Variants in RIT2 observed in about 807,000 individuals in gnomAD.
RIT2 encodes the protein Ras like without CAAX 2.
Under a neutral mutation model 23.7 loss-of-function variants are expected in RIT2, and 24 were observed. The ratio of observed to expected loss-of-function variants is 1.01; its 90% CI spans 0.73 to 1.43. The LOEUF is 1.43. Among genes scored for constraint, RIT2 ranks in the 40% most tolerant of loss-of-function variants. The pLI, the probability that RIT2 is intolerant of heterozygous loss-of-function variation, is 0.00. For synonymous variants in RIT2, 107 were observed against 91.1 expected (o/e 1.17, Z -0.99); for missense variants, 236 against 266.9 (o/e 0.88, Z 0.81).
intron 4 of RIT2, among the ~76,000 whole-genome samples, chr18:42,796,050 A>G (rs1210626452): frequency 6.6e-6 from 1 of 152,146 alleles, no homozygotes. Context: ...AGGCTGCCCT[A>G]GCCAGCAGTG....
At chr18:42,858,543 T>C (rs1035015660) in intron 4 of RIT2, among the ~76,000 whole-genome samples, 29 of 152,202 alleles carry the variant, frequency 1.9e-4, no homozygotes, top group Non-Finnish European at 4.3e-4. Context: ...AAAAGATGTA[T>C]TGGAATGTAA....
At chr18:43,005,871 G>A (rs141650064) in intron 2 of RIT2, among the ~76,000 whole-genome samples, 101 of 151,854 alleles carry the variant, frequency 6.7e-4, no homozygotes, top group African/African-American at 1.6e-3. Context: ...GCCAGAAAGC[G>A]TCTTGGAGAA....
At chr18:42,930,588 G>A (rs1160699260) in intron 3 of RIT2, among the ~76,000 whole-genome samples, 1 of 152,052 alleles carries the variant, frequency 6.6e-6, no homozygotes, top group East Asian at 1.9e-4. Context: ...TCCAGTTTTT[G>A]TAGCCCTGGA....
intron 4 of RIT2, among the ~76,000 whole-genome samples, chr18:42,774,428 T>C (rs1240699609): frequency 6.6e-6 from 1 of 152,152 alleles, no homozygotes; most frequent in Non-Finnish European, 1.5e-5. Context: ...ACTCTCTCAC[T>C]GCTGCCCCAC....
At chr18:42,905,217 T>C (rs1447703002) in intron 4 of RIT2, among the ~76,000 whole-genome samples, 3 of 152,176 alleles carry the variant, frequency 2.0e-5, no homozygotes, top group Non-Finnish European at 4.4e-5. Context: ...AATTTTAATA[T>C]ATTCATTGTT....
chr18:42,959,854 A>G (rs892078325), intron 3 of RIT2, among the ~76,000 whole-genome samples: 1 of 152,230 alleles, frequency 6.6e-6, no homozygotes, highest in Non-Finnish European at 1.5e-5. Flanking sequence ...TATTTCTGAG[A>G]TGATGACTAG....
intron 4 of RIT2, among the ~76,000 whole-genome samples, chr18:42,905,675 G>A (rs916640721): frequency 3.3e-5 from 5 of 152,092 alleles, no homozygotes; most frequent in African/African-American, 4.8e-5. Flanking sequence ...GTTTCACCAT[G>A]TTGGTCAGGC....
intron 1 of RIT2, among the ~76,000 whole-genome samples, chr18:43,114,638 C>T (rs77854772): frequency 0.026 from 3,941 of 152,142 alleles, 128 homozygotes; most frequent in African/African-American, 0.079. Flanking sequence ...AACATTTGAT[C>T]AGCCAAAAAA....
At chr18:42,963,368 T>A (rs1910135459) in intron 3 of RIT2, among the ~76,000 whole-genome samples, 1 of 152,174 alleles carries the variant, frequency 6.6e-6, no homozygotes, top group South Asian at 2.1e-4. Context: ...ACATCCATCA[T>A]ATCTGGAAAT....
intron 4 of RIT2, among the ~76,000 whole-genome samples, chr18:42,770,786 C>CA (rs531013783): frequency 0.036 from 4,406 of 120,966 alleles, 83 homozygotes; most frequent in South Asian, 0.085. Context: ...CACTGACACT[C>CA]AAAAAAAAAA....
intron 1 of RIT2, among the ~76,000 whole-genome samples, chr18:43,068,301 T>A (rs915036547): frequency 2.6e-5 from 4 of 151,944 alleles, no homozygotes; most frequent in Non-Finnish European, 5.9e-5. Context: ...ATCACACAGG[T>A]AGTTAGGGTT....
At chr18:43,105,100 CTGTGTGTGTGTG>C (rs756311809) in intron 1 of RIT2, among the ~76,000 whole-genome samples, 1 of 142,980 alleles carries the variant, frequency 7.0e-6, no homozygotes, top group Non-Finnish European at 1.5e-5. Flanking sequence ...AGGCAGTGTG[CTGTGTGTGTGTG>C]TGTGTGTGTG....
intron 4 of RIT2, among the ~76,000 whole-genome samples, chr18:42,875,093 G>A (rs1452287822): frequency 4.4e-4 from 67 of 151,884 alleles, no homozygotes; most frequent in Non-Finnish European, 7.4e-5. Flanking sequence ...CCTGTCTCTC[G>A]GCTCTCCCTA....
At chr18:42,761,376 A>G (rs1383958771) in intron 4 of RIT2, among the ~76,000 whole-genome samples, 1 of 152,124 alleles carries the variant, frequency 6.6e-6, no homozygotes, top group African/African-American at 2.4e-5. Flanking sequence ...ATCCCTAAGC[A>G]TTTGCTTATC....
intron 3 of RIT2, among the ~76,000 whole-genome samples, chr18:42,942,353 T>C (rs145513850): frequency 1.3e-5 from 2 of 152,234 alleles, no homozygotes; most frequent in African/African-American, 4.8e-5. Context: ...GAAGGAGAAG[T>C]GGACTCAGTA....
chr18:42,789,427 G>A (rs1598654428), intron 4 of RIT2, among the ~76,000 whole-genome samples: 1 of 152,160 alleles, frequency 6.6e-6, no homozygotes, highest in East Asian at 1.9e-4. Context: ...TGAGCAGCAT[G>A]GTCACTTTAA....
intron 3 of RIT2, among the ~76,000 whole-genome samples, chr18:42,954,907 A>G (rs1248475000): frequency 1.3e-5 from 2 of 152,162 alleles, no homozygotes; most frequent in African/African-American, 4.8e-5. Context: ...CTAAGGTCAC[A>G]ATAACTGAGA....
At chr18:43,071,377 G>A (rs571270044) in intron 1 of RIT2, among the ~76,000 whole-genome samples, 9 of 152,260 alleles carry the variant, frequency 5.9e-5, no homozygotes, top group African/African-American at 1.9e-4. Flanking sequence ...TGGAGTTGGG[G>A]TGGCGGGGGG....
In RIT2 at chr18:42,944,063, T is replaced by A. The variant is rs147975028; in HGVS notation, c.235-20300A>T. ...CAACATTCAGAACAAGTCTCTGAAATGTAAGCCACGTCACGTCCCTTCCCT... is the reference window on the plus strand; with the variant it reads ...CAACATTCAGAACAAGTCTCTGAAAAGTAAGCCACGTCACGTCCCTTCCCT... On this transcript the variant is annotated intron_variant, in intron 3 of 4. Coordinates refer to ENST00000326695, the MANE Select transcript of RIT2 (RefSeq NM_002930.4). Among the ~76,000 whole-genome samples, 29 of 152,268 alleles carry A rather than the reference T, an allele frequency of 1.9e-4. No individual in the cohort carries two copies. In the East Asian group the frequency reaches 5.4e-3, roughly 28 times the overall value.
Sources: gnomAD v4.1 joint callset for allele counts (sites outside exome capture counted in the v4.1 genomes callset) on GRCh38, gnomAD v4.1.1 for gene constraint, MANE v1.5 for transcripts, NCBI Gene and HGNC (gene_info 2026-07-23, HGNC 2026-07-21) for gene names.